LUC7L2: variants seen among roughly 807,000 people sequenced by gnomAD.
The protein encoded by LUC7L2 is LUC7 like 2, pre-mRNA splicing factor, also known as putative RNA-binding protein Luc7-like 2.
Under a neutral mutation model 52.8 loss-of-function variants are expected in LUC7L2, and 25 were observed. That is an observed-to-expected ratio of 0.47 (90% CI 0.34 to 0.66). The LOEUF (loss-of-function observed/expected upper bound fraction) is 0.66. Among genes scored for constraint, LUC7L2 ranks in the 30% least tolerant of loss-of-function variants. The pLI is 0.01. For synonymous variants in LUC7L2, 144 were observed against 160.9 expected (o/e 0.89, Z 0.80); for missense variants, 328 against 497.8 (o/e 0.66, Z 3.25).
In LUC7L2 at chr7:139,401,183, A is replaced by G. The variant is rs189743647; in HGVS notation, c.256-954A>G. Among the ~76,000 whole-genome samples, 41 of 152,060 alleles carry G rather than the reference A, an allele frequency of 2.7e-4. 1 individual carries two copies. Among genetic ancestry groups the G allele is most frequent in the Admixed American group, 1.2e-3 (19 of 15,280 alleles). Reference sequence around the variant, plus strand: ...TCAATGGTTTATTCTCTGAAAAAAGATAAGTTTTCCTGATGTGCGAGACTC... The same window carrying G: ...TCAATGGTTTATTCTCTGAAAAAAGGTAAGTTTTCCTGATGTGCGAGACTC... On this transcript the variant is annotated intron_variant, in intron 3 of 9. Coordinates refer to ENST00000354926, the MANE Select transcript of LUC7L2 (RefSeq NM_016019.5).
chr7:139,359,917 G>A lies in LUC7L2; in HGVS notation c.-345G>A. The A allele has an allele frequency of 2.4e-6, 1 of 415,240 alleles. No homozygotes were observed. Among genetic ancestry groups the A allele is most frequent in the Non-Finnish European group, 4.3e-6 (1 of 234,310 alleles). The allele number at this position is 415,240 out of a possible 1,614,324, so 25.7% of individuals were successfully genotyped here. On this transcript the variant is annotated 5_prime_UTR_variant, in exon 1 of 10. Transcript: ENST00000354926. ...GCGCTCCCGTCGTGGCGACGGTGGC[G>A]GCGAGCGGCGTCAGAGCTTGAGGGG...
intron 1 of LUC7L2, among the ~76,000 whole-genome samples, chr7:139,371,111 T>A (rs1476440300): frequency 2.6e-5 from 4 of 152,148 alleles, no homozygotes; most frequent in African/African-American, 9.7e-5. Flanking sequence ...CCCTAGAGAA[T>A]GTGGGAGGGC....
chr7:139,417,449 A>C (rs2116331341), intron 8 of LUC7L2, 89 bp from the exon 9 acceptor site: 2 of 1,507,776 alleles, frequency 1.3e-6, no homozygotes, highest in East Asian at 4.6e-5. Flanking sequence ...AGACTACTGA[A>C]AAAAAGTTTC....
chr7:139,345,633 G>A (rs772630517), intron 1 of LUC7L2: 1 of 1,614,198 alleles, frequency 6.2e-7, no homozygotes. Flanking sequence ...TGAGCGCTCG[G>A]TGGAGGAGTC....
chr7:139,403,281 C>T (rs547338705), intron 4 of LUC7L2, among the ~76,000 whole-genome samples: 2 of 152,166 alleles, frequency 1.3e-5, no homozygotes, highest in African/African-American at 4.8e-5. Context: ...CTTATAGAGT[C>T]GATTTATTAG....
At chr7:139,344,122 A>C (rs1799141119) in intron 1 of LUC7L2, among the ~76,000 whole-genome samples, 1 of 152,040 alleles carries the variant, frequency 6.6e-6, no homozygotes, top group Admixed American at 6.6e-5. Flanking sequence ...TCAAAAGTTA[A>C]GTATGATGAA....
intron 1 of LUC7L2, among the ~76,000 whole-genome samples, chr7:139,353,388 A>G (rs1291781443): frequency 1.3e-5 from 2 of 152,168 alleles, no homozygotes; most frequent in Admixed American, 1.3e-4. Flanking sequence ...TTAATTACCT[A>G]GTTTTAAATG....
intron 2 of LUC7L2, among the ~76,000 whole-genome samples, chr7:139,377,369 TA>T (rs936718517): frequency 2.6e-5 from 4 of 151,750 alleles, no homozygotes; most frequent in Non-Finnish European, 5.9e-5. Context: ...CATGCCCGGC[TA>T]ATTTTTGTGT....
At chr7:139,415,532 G>C (rs977397322) in intron 8 of LUC7L2, among the ~76,000 whole-genome samples, 6 of 147,512 alleles carry the variant, frequency 4.1e-5, no homozygotes, top group African/African-American at 1.5e-4. Flanking sequence ...TTTTCCCTCT[G>C]CTTCCTTTTG....
Position 139,403,385 on chromosome 7 carries a change from T to G in LUC7L2, c.366+1138T>G, listed in dbSNP as rs2131286066. On this transcript the variant is annotated intron_variant, in intron 4 of 9. Transcript: ENST00000354926. ...TATGATCAAGTGTGTTTTATGAAAA[T>G]GCAGAATGGGAGAAAAAGAGTTACC... 1.3e-5 allele frequency among the ~76,000 whole-genome samples: 2 copies of G among 152,308 alleles called. 1 individual carries two copies. The highest frequency in any genetic ancestry group is 4.8e-5 in the African/African-American group (2 of 41,554).
chr7:139,404,354 G>T (rs1795033168), intron 4 of LUC7L2, among the ~76,000 whole-genome samples: 1 of 152,046 alleles, frequency 6.6e-6, no homozygotes, highest in Non-Finnish European at 1.5e-5. Context: ...TACAAAAACT[G>T]CAAAATTAGC....
chr7:139,392,878 T>C (rs1794504278), intron 2 of LUC7L2, among the ~76,000 whole-genome samples: 1 of 151,802 alleles, frequency 6.6e-6, no homozygotes, highest in Non-Finnish European at 1.5e-5. Flanking sequence ...GTTCTCAAAC[T>C]CCCAACCTCA....
chr7:139,402,229 T>C lies in LUC7L2; in HGVS notation c.348T>C (p.Ser116=), dbSNP rs1794946033. The C allele has an allele frequency of 2.5e-6, 4 of 1,604,560 alleles. No individual in the cohort carries two copies. The highest frequency in any genetic ancestry group is 1.3e-5 in the African/African-American group (1 of 74,288). The change falls in exon 4 of 10, where the codon AGT becomes AGC. Residue 116 remains serine (S), a synonymous_variant. Transcript: ENST00000354926. ...KRLAETQEEI[S]AEVAAKAERV... The stretch of plus-strand genomic sequence containing the variant: ...TAGCAGAAACTCAAGAAGAGATTAG[T>C]GCTGAAGTAGCAGCAAAGGTAAGAA...
Position 139,409,623 on chromosome 7 carries a change from A to C in LUC7L2, c.748A>C (p.Arg250=). 1.2e-6 allele frequency: 2 copies of C among 1,611,340 alleles called. No individual in the cohort carries two copies. Among genetic ancestry groups the C allele is most frequent in the Non-Finnish European group, 1.7e-6 (2 of 1,178,442 alleles). ...GGAACGGCTGAAACGAAGAGAAGAG[A>C]GAGAGAGAGAAGAAAGGGAGAAGCT... ...NQERLKRREE[R]EREEREKLRR... The change falls in exon 7 of 10, where the codon AGA becomes CGA. Residue 250 remains arginine, a synonymous_variant. Coordinates refer to ENST00000354926, the MANE Select transcript of LUC7L2 (RefSeq NM_016019.5).
At chr7:139,422,034 T>C (rs1795931289) in intron 9 of LUC7L2, 129 bp from the exon 10 acceptor site, 17 of 1,377,286 alleles carry the variant, frequency 1.2e-5, no homozygotes, top group South Asian at 8.7e-5. Flanking sequence ...GTCAGAAAAC[T>C]GACTCCTCTG....
chr7:139,359,486 G>C (rs544078448), upstream of LUC7L2: 25 of 206,700 alleles, frequency 1.2e-4, no homozygotes, highest in African/African-American at 4.6e-4. Flanking sequence ...CTCGGGGCGG[G>C]CGTTCGCCCC....
chr7:139,381,030 T>C (rs184220382), intron 2 of LUC7L2, among the ~76,000 whole-genome samples: 1 of 152,352 alleles, frequency 6.6e-6, no homozygotes, highest in Non-Finnish European at 1.5e-5. Context: ...ACTAATTTTA[T>C]GATAGCCCTC....
chr7:139,359,695 G>A, upstream of LUC7L2: 1 of 398,130 alleles, frequency 2.5e-6, no homozygotes, highest in East Asian at 3.6e-5. Flanking sequence ...TTGGCGCCTC[G>A]GGGCGGATCC....
At chr7:139,348,575 TGGACTTA>T (rs1255598743) in intron 1 of LUC7L2, among the ~76,000 whole-genome samples, 1 of 151,136 alleles carries the variant, frequency 6.6e-6, no homozygotes, top group African/African-American at 2.4e-5. Context: ...AAAAATTAGC[TGGACTTA>T]GTGGTGTGTG....
Sources: gnomAD v4.1 joint callset for allele counts (sites outside exome capture counted in the v4.1 genomes callset) on GRCh38, gnomAD v4.1.1 for gene constraint, MANE v1.5 for transcripts, NCBI Gene and HGNC (gene_info 2026-07-23, HGNC 2026-07-21) for gene names.